Variants in UXS1 observed in about 807,000 individuals in gnomAD.
UXS1 encodes the protein UDP-glucuronate decarboxylase 1.
Under a neutral mutation model 62.6 loss-of-function variants are expected in UXS1, and 33 were observed. That is an observed-to-expected ratio of 0.53 (90% CI 0.40 to 0.70). The LOEUF (loss-of-function observed/expected upper bound fraction) is 0.70, where lower values mean the gene tolerates loss of function less well. UXS1 is among the 30% of genes least tolerant of loss of function. UXS1 has a pLI of 0.00. For missense variants in UXS1, 434 were observed against 556.3 expected (o/e 0.78, Z 2.21); for synonymous variants, 213 against 206.8 (o/e 1.03, Z -0.26).
chr2:106,101,016 A>T, intron 12 of UXS1, 42 bp downstream of exon 12: 1 of 1,612,652 alleles, frequency 6.2e-7, no homozygotes, highest in Non-Finnish European at 8.5e-7. Context: ...AATGAACGAA[A>T]GTCTGAGCTG....
intron 6 of UXS1, among the ~76,000 whole-genome samples, chr2:106,143,408 C>CAAAAAAAAAAAAAAAAAAAAAAAAAAA (rs60493984): frequency 7.8e-5 from 3 of 38,634 alleles, no homozygotes; most frequent in Non-Finnish European, 1.3e-4. Context: ...GACTCCGTCT[C>CAAAAAAAAAAAAAAAAAAAAAAAAAAA]AAAAAAAAAA....
chr2:106,102,841 G>A (rs1677706746), intron 11 of UXS1: 3 of 152,216 alleles, frequency 2.0e-5, no homozygotes, highest in Non-Finnish European at 2.9e-5. Flanking sequence ...GTTTAAGTCA[G>A]GAAACCCTTG....
intron 11 of UXS1, among the ~76,000 whole-genome samples, chr2:106,103,604 G>A (rs767668565): frequency 1.3e-5 from 2 of 152,192 alleles, no homozygotes; most frequent in Non-Finnish European, 2.9e-5. Flanking sequence ...GTCCCAAAGC[G>A]GGGGCAGCTG....
intron 2 of UXS1, 123 bp from the exon 3 acceptor site, chr2:106,164,922 A>G (rs1415715857): frequency 1.5e-6 from 1 of 671,030 alleles, no homozygotes; most frequent in Non-Finnish European, 2.4e-6. Flanking sequence ...AGTCATGTGT[A>G]CAATTCCCTC....
intron 11 of UXS1, 92 bp from the exon 12 acceptor site, chr2:106,101,210 C>G: frequency 7.4e-7 from 1 of 1,350,000 alleles, no homozygotes; most frequent in South Asian, 1.4e-5. Context: ...GAAAAATTAC[C>G]ACCCCCAGGA....
intron 5 of UXS1, among the ~76,000 whole-genome samples, chr2:106,154,537 A>G (rs1376115524): frequency 2.6e-5 from 4 of 152,188 alleles, no homozygotes; most frequent in Non-Finnish European, 5.9e-5. Flanking sequence ...AACACCAAGG[A>G]TTGCTGGCAA....
chr2:106,096,155 C>T (rs748586849), intron 14 of UXS1, among the ~76,000 whole-genome samples: 1 of 152,040 alleles, frequency 6.6e-6, no homozygotes. Context: ...GTGCTGCCAG[C>T]GCCCTTGGCA....
At chr2:106,169,620 T>C (rs1399584181) in intron 1 of UXS1, among the ~76,000 whole-genome samples, 2 of 152,060 alleles carry the variant, frequency 1.3e-5, no homozygotes, top group African/African-American at 2.4e-5. Context: ...GCCCAGGAGG[T>C]TGAGGCTGCA....
At chr2:106,187,317 A>G (rs1684623188) in intron 1 of UXS1, among the ~76,000 whole-genome samples, 1 of 152,188 alleles carries the variant, frequency 6.6e-6, no homozygotes, top group South Asian at 2.1e-4. Context: ...CGCTCGGGTC[A>G]GCCTGGGAAT....
At chr2:106,162,314 C>T (rs1430828477) in intron 4 of UXS1, among the ~76,000 whole-genome samples, 1 of 152,212 alleles carries the variant, frequency 6.6e-6, no homozygotes, top group Non-Finnish European at 1.5e-5. Context: ...AGTTTAAAAG[C>T]ACACACTCAA....
At chr2:106,165,201 C>A (rs949782119) in intron 2 of UXS1, among the ~76,000 whole-genome samples, 1 of 152,168 alleles carries the variant, frequency 6.6e-6, no homozygotes, top group Admixed American at 6.5e-5. Flanking sequence ...TAAAAGGGAT[C>A]TGAGCACCCC....
At chr2:106,178,360 C>A (rs1324427538) in intron 1 of UXS1, among the ~76,000 whole-genome samples, 1 of 152,212 alleles carries the variant, frequency 6.6e-6, no homozygotes, top group Non-Finnish European at 1.5e-5. Context: ...ATGCACCCCA[C>A]ATATATGTAT....
intron 8 of UXS1, among the ~76,000 whole-genome samples, chr2:106,123,422 T>C (rs1034804754): frequency 5.3e-5 from 8 of 152,216 alleles, no homozygotes; most frequent in African/African-American, 9.7e-5. Flanking sequence ...TGAAGAGATA[T>C]GTGGTTTTGT....
At chr2:106,100,072 G>A (rs1000341524) in intron 12 of UXS1, among the ~76,000 whole-genome samples, 1 of 152,184 alleles carries the variant, frequency 6.6e-6, no homozygotes, top group Non-Finnish European at 1.5e-5. Context: ...TTAGAGTGTT[G>A]TGTAGGAACC....
At chr2:106,103,978 C>T (rs1325211654) in intron 11 of UXS1, among the ~76,000 whole-genome samples, 1 of 152,192 alleles carries the variant, frequency 6.6e-6, no homozygotes, top group Non-Finnish European at 1.5e-5. Flanking sequence ...ACCTGCACAA[C>T]AGCCACCATC....
chr2:106,094,930 T>C (rs1676953083), intron 14 of UXS1, among the ~76,000 whole-genome samples: 1 of 152,230 alleles, frequency 6.6e-6, no homozygotes, highest in Non-Finnish European at 1.5e-5. Context: ...ATATGGGCAG[T>C]GTGCAGTTTG....
intron 14 of UXS1, 31 bp from the exon 15 acceptor site, chr2:106,094,188 A>G: frequency 2.8e-6 from 4 of 1,406,932 alleles, no homozygotes; most frequent in Non-Finnish European, 3.8e-6. Flanking sequence ...AAAGGGAGAC[A>G]AGGTCACATT....
intron 8 of UXS1, among the ~76,000 whole-genome samples, chr2:106,123,618 G>A (rs1679703982): frequency 6.6e-6 from 1 of 152,130 alleles, no homozygotes; most frequent in South Asian, 2.1e-4. Context: ...CCTGGCAAAT[G>A]GGTGCCTGTT....
chr2:106,144,412 T>C, intron 6 of UXS1, among the ~76,000 whole-genome samples: 1 of 152,116 alleles, frequency 6.6e-6, no homozygotes, highest in East Asian at 1.9e-4. Flanking sequence ...TATGAACAGA[T>C]GAAACTATGT....
Sources: allele counts gnomAD v4.1 joint callset (sites outside exome capture counted in the v4.1 genomes callset), GRCh38; gene constraint gnomAD v4.1.1; transcripts MANE v1.5; gene names NCBI Gene and HGNC (gene_info 2026-07-23, HGNC 2026-07-21).